Variants in ZFHX3 observed in about 807,000 individuals in gnomAD.
ZFHX3 encodes zinc finger homeobox 3.
In ZFHX3, 42 loss-of-function variants were observed where a neutral mutation model predicts 279.1. The observed-to-expected ratio is 0.15, with a 90% CI of 0.12 to 0.19. The LOEUF is 0.19. Among genes scored for constraint, ZFHX3 ranks in the 10% least tolerant of loss-of-function variants. The probability of loss-of-function intolerance (pLI) is 1.00; values close to 1 mark genes in which losing one functional copy is unlikely to be tolerated. For synonymous variants in ZFHX3, 2,293 were observed against 1,957.8 expected (o/e 1.17, Z -4.52); for missense variants, 4,981 against 4,754.0 (o/e 1.05, Z -1.40).
At chr16:73,647,005 GTGCC>G (rs2052623966) in intron 2 of ZFHX3, among the ~76,000 whole-genome samples, 1 of 143,836 alleles carries the variant, frequency 7.0e-6, no homozygotes, top group African/African-American at 2.6e-5. Context: ...AGTACTCGTT[GTGCC>G]AACCTTTTTT....
intron 1 of ZFHX3, among the ~76,000 whole-genome samples, chr16:73,038,443 G>A (rs927837454): frequency 1.3e-5 from 2 of 152,130 alleles, no homozygotes; most frequent in Non-Finnish European, 2.9e-5. Flanking sequence ...ACGACCTGAC[G>A]TCATGGCTGC....
chr16:72,886,892 G>A (rs951780111), intron 4 of ZFHX3, among the ~76,000 whole-genome samples: 2 of 152,314 alleles, frequency 1.3e-5, no homozygotes, highest in East Asian at 3.9e-4. Flanking sequence ...CCATGTAGAC[G>A]GATGGGATCA....
At chr16:73,818,817 G>T (rs1430876291) in intron 1 of ZFHX3, among the ~76,000 whole-genome samples, 1 of 152,158 alleles carries the variant, frequency 6.6e-6, no homozygotes, top group Non-Finnish European at 1.5e-5. Context: ...GGCAACAGAG[G>T]GCTGGAGACT....
intron 7 of ZFHX3, chr16:73,093,922 G>A (rs2042402212): frequency 4.8e-6 from 1 of 207,824 alleles, no homozygotes; most frequent in Non-Finnish European, 1.0e-5. Context: ...AGACAGCTTA[G>A]CTCTAGCAGG....
intron 1 of ZFHX3, among the ~76,000 whole-genome samples, chr16:73,708,369 G>A (rs539629588): frequency 6.6e-6 from 1 of 152,288 alleles, no homozygotes; most frequent in East Asian, 1.9e-4. Flanking sequence ...CAAAAACTCA[G>A]TGAATTGGAA....
intron 2 of ZFHX3, among the ~76,000 whole-genome samples, chr16:73,621,352 A>C (rs2052360366): frequency 6.6e-6 from 1 of 152,194 alleles, no homozygotes; most frequent in African/African-American, 2.4e-5. Flanking sequence ...AGGTGCTACA[A>C]ATGTTTCACC....
At chr16:73,149,580 G>A (rs187895674) in intron 5 of ZFHX3, among the ~76,000 whole-genome samples, 4 of 152,226 alleles carry the variant, frequency 2.6e-5, no homozygotes, top group African/African-American at 7.2e-5. Context: ...GGCACTTTGC[G>A]TTGGTGTTTA....
At chr16:72,850,435 C>G (rs1437949151) in intron 4 of ZFHX3, among the ~76,000 whole-genome samples, 3 of 152,228 alleles carry the variant, frequency 2.0e-5, no homozygotes, top group Non-Finnish European at 4.4e-5. Flanking sequence ...TGTTGAAATA[C>G]ACATAGTCAA....
intron 2 of ZFHX3, among the ~76,000 whole-genome samples, chr16:73,579,177 C>T (rs1330167559): frequency 1.3e-5 from 2 of 152,206 alleles, no homozygotes; most frequent in Non-Finnish European, 1.5e-5. Flanking sequence ...AGCCAATTGC[C>T]AATCAGAAAA....
rs929191467 is a variant in ZFHX3, at chr16:73,864,477, G to T, written c.-1608+27174C>A. 2.0e-5 allele frequency among the ~76,000 whole-genome samples: 3 copies of T among 152,198 alleles called. No individual in the cohort carries two copies. The East Asian group carries it at 5.8e-4, about 29-fold the overall frequency. On this transcript the variant is annotated intron_variant, in intron 1 of 17. Transcript: ENST00000641206. ...CTTATGCCTGTAATCCCAGCACTTC[G>T]GGAGGCTGAGGGAGGAGGATCACTT... is the stretch of plus-strand genomic sequence containing the variant.
intron 3 of ZFHX3, chr16:73,402,392 A>C (rs946980051): frequency 3.3e-5 from 5 of 152,222 alleles, no homozygotes; most frequent in Admixed American, 6.5e-5. Flanking sequence ...GCTAATATCC[A>C]ATTCCCCATG....
intron 1 of ZFHX3, among the ~76,000 whole-genome samples, chr16:73,007,365 GC>G (rs1963747571): frequency 6.6e-6 from 1 of 152,156 alleles, no homozygotes; most frequent in South Asian, 2.1e-4. Flanking sequence ...AGTGTATTTA[GC>G]AGGCAATTAT....
At chr16:72,946,574 G>A (rs963363144) in intron 3 of ZFHX3, among the ~76,000 whole-genome samples, 6 of 152,134 alleles carry the variant, frequency 3.9e-5, no homozygotes, top group African/African-American at 9.7e-5. Context: ...TCTGTGCCCC[G>A]CCCCCTCCGG....
chr16:72,901,821 C>T (rs8051530), intron 3 of ZFHX3, among the ~76,000 whole-genome samples: 1,824 of 152,280 alleles, frequency 0.012, 30 homozygotes, highest in African/African-American at 0.04. Context: ...GTTCTGCAAA[C>T]GATGACACTG....
chr16:73,708,231 C>T (rs1236476925), intron 1 of ZFHX3, among the ~76,000 whole-genome samples: 1 of 152,130 alleles, frequency 6.6e-6, no homozygotes, highest in Non-Finnish European at 1.5e-5. Context: ...TTTATCAATA[C>T]TTTTTGATCT....
intron 3 of ZFHX3, among the ~76,000 whole-genome samples, chr16:73,341,653 A>G (rs2143259746): frequency 6.6e-6 from 1 of 152,312 alleles, no homozygotes; most frequent in South Asian, 2.1e-4. Context: ...TAATAGACTA[A>G]TGGTGGAAAC....
chr16:73,054,441 GATTTTTT>G (rs1322141857), intron 1 of ZFHX3, among the ~76,000 whole-genome samples: 1 of 97,840 alleles, frequency 1.0e-5, no homozygotes, highest in African/African-American at 4.2e-5. Context: ...AAACCAGGAG[GATTTTTT>G]TTTTTTTTTT....
intron 3 of ZFHX3, among the ~76,000 whole-genome samples, chr16:72,921,536 C>T (rs564676706): frequency 2.2e-4 from 33 of 152,364 alleles, no homozygotes; most frequent in African/African-American, 7.9e-4. Flanking sequence ...GAGGGAATCT[C>T]ACTTTCATTT....
At chr16:73,766,499 A>G (rs1245101988) in intron 1 of ZFHX3, among the ~76,000 whole-genome samples, 2 of 152,182 alleles carry the variant, frequency 1.3e-5, no homozygotes, top group Non-Finnish European at 2.9e-5. Flanking sequence ...CTTTGCCAAT[A>G]TCACTTGTGC....
Sources: gnomAD v4.1 joint callset for allele counts (sites outside exome capture counted in the v4.1 genomes callset) on GRCh38, gnomAD v4.1.1 for gene constraint, MANE v1.5 for transcripts, NCBI Gene and HGNC (gene_info 2026-07-23, HGNC 2026-07-21) for gene names.